Variants in COG5 observed in about 807,000 individuals in gnomAD.
The protein encoded by COG5 is conserved oligomeric Golgi complex subunit 5.
A neutral mutation model predicts 110.4 loss-of-function variants in COG5; 86 were observed. The observed-to-expected ratio is 0.78, with a 90% CI of 0.65 to 0.93. The LOEUF (loss-of-function observed/expected upper bound fraction) is 0.93. Among genes scored for constraint, COG5 ranks in the 40% least tolerant of loss-of-function variants. The pLI is 0.00. For missense variants in COG5, 1,077 were observed against 987.0 expected, an observed-to-expected ratio of 1.09 and a Z score of -1.22; for synonymous variants, 360 against 334.6, an observed-to-expected ratio of 1.08 and a Z score of -0.83.
intron 19 of COG5, among the ~76,000 whole-genome samples, chr7:107,219,255 C>A (rs939614255): frequency 1.3e-5 from 2 of 152,112 alleles, no homozygotes; most frequent in Non-Finnish European, 2.9e-5. Flanking sequence ...TAAATTAATA[C>A]AACCATTTTG....
intron 6 of COG5, among the ~76,000 whole-genome samples, chr7:107,433,503 A>G (rs1017033869): frequency 3.3e-5 from 5 of 152,234 alleles, no homozygotes; most frequent in African/African-American, 1.2e-4. Context: ...TGGAATAGAG[A>G]GCCCAGATAT....
At chr7:107,245,812 C>T (rs566155168) in intron 17 of COG5, among the ~76,000 whole-genome samples, 2 of 152,242 alleles carry the variant, frequency 1.3e-5, no homozygotes, top group South Asian at 2.1e-4. Flanking sequence ...AGATTCAATG[C>T]TATTCCTATC....
chr7:107,253,347 T>C (rs966908681), intron 16 of COG5: 1 of 152,168 alleles, frequency 6.6e-6, no homozygotes, highest in African/African-American at 2.4e-5. Context: ...CAGGGAAATA[T>C]GTTATACATT....
chr7:107,269,897 A>T (rs1256668765), intron 14 of COG5, among the ~76,000 whole-genome samples: 1 of 152,226 alleles, frequency 6.6e-6, no homozygotes, highest in African/African-American at 2.4e-5. Flanking sequence ...CAAGGATGTC[A>T]GACTGGGTCA....
At chr7:107,232,269 T>G (rs771827269) in intron 18 of COG5, among the ~76,000 whole-genome samples, 1 of 152,246 alleles carries the variant, frequency 6.6e-6, no homozygotes. Context: ...TAGGCTGTTC[T>G]TTGGAACCTG....
chr7:107,409,861 G>A (rs1792146636), intron 7 of COG5, among the ~76,000 whole-genome samples: 1 of 152,188 alleles, frequency 6.6e-6, no homozygotes, highest in African/African-American at 2.4e-5. Flanking sequence ...CAATGAGAGA[G>A]AAGAGACTGG....
intron 7 of COG5, among the ~76,000 whole-genome samples, chr7:107,382,670 C>G (rs1255342086): frequency 6.6e-6 from 1 of 152,070 alleles, no homozygotes; most frequent in Non-Finnish European, 1.5e-5. Context: ...AACTCCTGAC[C>G]TCAAGTGATC....
intron 6 of COG5, among the ~76,000 whole-genome samples, chr7:107,450,954 C>G (rs1795295617): frequency 6.6e-6 from 1 of 152,132 alleles, no homozygotes; most frequent in South Asian, 2.1e-4. Flanking sequence ...CACAACAACT[C>G]TAATTCAACA....
intron 11 of COG5, among the ~76,000 whole-genome samples, chr7:107,314,515 G>A (rs531265968): frequency 2.1e-4 from 32 of 151,420 alleles, no homozygotes; most frequent in Middle Eastern, 6.8e-3. Flanking sequence ...AGGCCGAGGC[G>A]GGCAGATCAC....
chr7:107,474,945 G>A lies in COG5; in HGVS notation c.538+52292C>T, dbSNP rs776396614. The A allele has an allele frequency of 3.1e-6, 5 of 1,612,666 alleles. No homozygotes were observed. In the South Asian group the frequency reaches 5.5e-5, roughly 18 times the overall value. ...CAGTTTCTGTAATAATTGCCCTCCG[G>A]CGAGCTGTGAAACGACACCGTGAAC... On this transcript the variant is annotated intron_variant, in intron 6 of 21. Coordinates refer to ENST00000297135, the MANE Select transcript of COG5 (RefSeq NM_006348.5). The surrounding 1 kb of genome is among the most constrained non-coding windows in gnomAD (Gnocchi z 5.7).
At chr7:107,327,629 G>A (rs562186016) in intron 10 of COG5, among the ~76,000 whole-genome samples, 6 of 152,080 alleles carry the variant, frequency 3.9e-5, no homozygotes, top group South Asian at 4.1e-4. Context: ...TAAAAAACAG[G>A]CAAAGGACTT....
intron 19 of COG5, among the ~76,000 whole-genome samples, chr7:107,228,306 C>CAAAAA (rs201009011): frequency 1.2e-4 from 8 of 67,526 alleles, no homozygotes; most frequent in African/African-American, 4.5e-4. Flanking sequence ...CACCCGGTCT[C>CAAAAA]AAAAAAAAAA....
chr7:107,282,547 G>A (rs1805260941), intron 13 of COG5, among the ~76,000 whole-genome samples: 1 of 152,014 alleles, frequency 6.6e-6, no homozygotes. Context: ...TTTGAGACAG[G>A]GTTTCGCTCT....
chr7:107,531,646 G>A (rs917469069), intron 5 of COG5, among the ~76,000 whole-genome samples: 1 of 148,732 alleles, frequency 6.7e-6, no homozygotes, highest in African/African-American at 2.5e-5. Context: ...AGGGCGGGGG[G>A]GAGGTGGGTG....
chr7:107,525,749 A>T (rs1203786356), intron 6 of COG5, among the ~76,000 whole-genome samples: 2 of 151,990 alleles, frequency 1.3e-5, no homozygotes, highest in African/African-American at 2.4e-5. Flanking sequence ...TTACTTCTCA[A>T]TTTTTACTTT....
chr7:107,550,961 C>A (rs1049546042), intron 3 of COG5, among the ~76,000 whole-genome samples: 44 of 151,952 alleles, frequency 2.9e-4, no homozygotes, highest in African/African-American at 1.0e-3. Context: ...GTCTATCATT[C>A]ACAAGTGCCT....
chr7:107,234,255 A>T (rs554323379), intron 18 of COG5, among the ~76,000 whole-genome samples: 1 of 152,344 alleles, frequency 6.6e-6, no homozygotes, highest in South Asian at 2.1e-4. Flanking sequence ...TCTATGTTTA[A>T]AAAACAGGAA....
Position 107,547,979 on chromosome 7 carries a change from T to G in COG5, c.417+132A>C, listed in dbSNP as rs560024648. ...AGCTAGACATCTTAAGGCTTTTTAG[T>G]ATTTTTTTCTCCTTTTCTCTTACCT... On this transcript the variant is annotated intron_variant, in intron 5 of 21. Transcript: ENST00000297135. 4.0e-6 allele frequency: 3 copies of G among 749,884 alleles called. No individual in the cohort carries two copies. The African/African-American group carries it at 5.4e-5, about 13-fold the overall frequency. The allele number at this position is 749,884 out of a possible 1,614,324, so 46.5% of individuals were successfully genotyped here.
intron 11 of COG5, among the ~76,000 whole-genome samples, chr7:107,317,301 G>C (rs546581384): frequency 1.3e-5 from 2 of 152,106 alleles, no homozygotes; most frequent in South Asian, 4.2e-4. Context: ...GAAACAACTA[G>C]AGTTCACAAA....
Sources: gnomAD v4.1 joint callset for allele counts (sites outside exome capture counted in the v4.1 genomes callset) on GRCh38, gnomAD v4.1.1 for gene constraint, Gnocchi (gnomAD v3.1) non-coding constraint, MANE v1.5 for transcripts, NCBI Gene and HGNC (gene_info 2026-07-23, HGNC 2026-07-21) for gene names.